DYNC2H1: variants seen among roughly 807,000 people sequenced by gnomAD.
DYNC2H1 encodes the protein cytoplasmic dynein 2 heavy chain 1.
DYNC2H1 carries 410 observed loss-of-function variants against 570.0 expected under a neutral mutation model. That is an observed-to-expected ratio of 0.72 (90% CI 0.66 to 0.78). The LOEUF (loss-of-function observed/expected upper bound fraction) is 0.78, where lower values mean the gene tolerates loss of function less well. Among genes scored for constraint, DYNC2H1 ranks in the 30% least tolerant of loss-of-function variants. The pLI is 0.00. For missense variants in DYNC2H1, 4,865 were observed against 5,046.4 expected (o/e 0.96, Z 1.09); for synonymous variants, 1,688 against 1,677.6 (o/e 1.01, Z -0.15).
rs370403709 is a variant in DYNC2H1, at chr11:103,179,218, G to A, written c.6332G>A (p.Gly2111Glu). Residue 2111 changes from glycine (G) to glutamate (E), a missense_variant, in exon 39 of 89, where the codon GGA (glycine) becomes GAA (glutamate). By Grantham distance (98) the Gly-to-Glu change is moderately conservative. Coordinates refer to ENST00000375735, the MANE Select transcript of DYNC2H1 (RefSeq NM_001377.3). ...TCACCAGCCACAATATCTAGAATGG[G>A]AATGATCTTTCTTAGGTAAGCCATA... is the stretch of plus-strand genomic sequence containing the variant. Reference protein sequence around the residue: ...CASPATISRMGMIFLSDEETD... With the variant: ...CASPATISRMEMIFLSDEETD... 6.2e-7 allele frequency: 1 copy of A among 1,612,712 alleles called. No homozygotes were observed. The highest frequency in any genetic ancestry group is 8.5e-7 in the Non-Finnish European group (1 of 1,179,080).
chr11:103,419,556 G>A (rs536139570), intron 84 of DYNC2H1, among the ~76,000 whole-genome samples: 1 of 151,354 alleles, frequency 6.6e-6, no homozygotes, highest in Admixed American at 6.6e-5. Flanking sequence ...TGGAAGGGTG[G>A]CCTGACTGGT....
intron 12 of DYNC2H1, among the ~76,000 whole-genome samples, chr11:103,127,660 G>T (rs1481376373): frequency 6.6e-6 from 1 of 152,166 alleles, no homozygotes; most frequent in African/African-American, 2.4e-5. Flanking sequence ...TCAGCCCAGG[G>T]TGTCCACTTG....
chr11:103,288,892 A>G (rs899442244), intron 75 of DYNC2H1, among the ~76,000 whole-genome samples: 14 of 150,392 alleles, frequency 9.3e-5, no homozygotes, highest in African/African-American at 3.2e-4. Context: ...AAAAAAAAAA[A>G]AAAAGAAAGA....
intron 85 of DYNC2H1, among the ~76,000 whole-genome samples, chr11:103,450,170 CT>C (rs1419239840): frequency 1.3e-5 from 2 of 152,098 alleles, no homozygotes; most frequent in African/African-American, 4.8e-5. Flanking sequence ...CAAAACCAAA[CT>C]TTTACACACC....
intron 69 of DYNC2H1, among the ~76,000 whole-genome samples, chr11:103,258,587 C>G (rs760209179): frequency 5.9e-5 from 9 of 152,136 alleles, no homozygotes; most frequent in Non-Finnish European, 1.3e-4. Flanking sequence ...GAGGACTTGA[C>G]GACAGGACTG....
intron 67 of DYNC2H1, among the ~76,000 whole-genome samples, chr11:103,255,812 A>G (rs1348469286): frequency 2.0e-5 from 3 of 152,182 alleles, no homozygotes; most frequent in Admixed American, 2.0e-4. Context: ...AAAGCAAGAA[A>G]TTATAACAAT....
chr11:103,257,897 A>G (rs1219122900), intron 69 of DYNC2H1, 146 bp downstream of exon 69: 2 of 866,406 alleles, frequency 2.3e-6, no homozygotes, highest in Non-Finnish European at 3.1e-6. Context: ...TAAGCTATAT[A>G]AAGAAACTAC....
chr11:103,119,032 A>AT (rs1274649894), intron 6 of DYNC2H1, among the ~76,000 whole-genome samples: 1 of 152,126 alleles, frequency 6.6e-6, no homozygotes, highest in Non-Finnish European at 1.5e-5. Context: ...TATAAGAAGA[A>AT]TTTTTTCTTC....
In DYNC2H1 at chr11:103,133,594, T is replaced by A. The variant is rs1200141495; in HGVS notation, c.1993T>A (p.Trp665Arg). The A allele has an allele frequency of 2.5e-6, 4 of 1,610,780 alleles. No homozygotes were observed. In the African/African-American group the frequency reaches 4.0e-5, roughly 16 times the overall value. Residue 665 changes from tryptophan (W) to arginine (R), a missense_variant, in exon 14 of 89, where the codon TGG becomes AGG. Physicochemically the swap from Trp to Arg is moderately radical, Grantham distance 101. Transcript: ENST00000375735. The surrounding 1 kb of genome is among the most constrained non-coding windows in gnomAD (Gnocchi z 4.8). Reference protein sequence around the residue: ...AGSGGKSQITWDNPKELEGYI... With the variant: ...AGSGGKSQITRDNPKELEGYI... ...AAGTGGAGGGAAATCACAGATAACT[T>A]GGGATAATCCTAAAGAATTAGAAGG...
In DYNC2H1 at chr11:103,465,101, G is replaced by C. The variant is rs1945151355; in HGVS notation, c.12649-3488G>C. 1.3e-5 allele frequency among the ~76,000 whole-genome samples: 2 copies of C among 151,744 alleles called. No homozygotes were observed. Among genetic ancestry groups the C allele is most frequent in the Non-Finnish European group, 2.9e-5 (2 of 67,926 alleles). ...AAGTAGATGGTAAAACACTAAAATG[G>C]ATATACAATCCATAGCAGAAAAGGA... is the stretch of plus-strand genomic sequence containing the variant. On this transcript the variant is annotated intron_variant, in intron 87 of 88. Transcript: ENST00000375735. This position sits in a 1 kb window ranked among gnomAD's most constrained non-coding sequence, Gnocchi z 4.9.
At chr11:103,140,940 G>T (rs1036443357) in intron 17 of DYNC2H1, among the ~76,000 whole-genome samples, 6 of 151,732 alleles carry the variant, frequency 4.0e-5, no homozygotes, top group Non-Finnish European at 8.8e-5. Context: ...TCCCTTCTCG[G>T]TTCATTTCAT....
intron 77 of DYNC2H1, among the ~76,000 whole-genome samples, chr11:103,306,882 T>G (rs1565481735): frequency 6.6e-6 from 1 of 152,172 alleles, no homozygotes; most frequent in Non-Finnish European, 1.5e-5. Context: ...AATTTGTACC[T>G]GCTCTCTGGG....
At chr11:103,447,406 T>C (rs918737680) in intron 85 of DYNC2H1, among the ~76,000 whole-genome samples, 1 of 152,110 alleles carries the variant, frequency 6.6e-6, no homozygotes, top group Admixed American at 6.5e-5. Context: ...GAAATAGAGC[T>C]GTGGGGCCTA....
At position 103,327,303 on chromosome 11, in the gene DYNC2H1, A is replaced by G. The variant is rs533014597; in HGVS notation, c.12039+3313A>G. Among the ~76,000 whole-genome samples the G allele has an allele frequency of 3.9e-5, 6 of 152,002 alleles. No homozygotes were observed. In the East Asian group the frequency reaches 1.2e-3, roughly 29 times the overall value. ...ATCTTGTTCCAGCCCTCTCTATTTTAATGTTTAAACTCAAGTTCTACCCAA... is the reference window on the plus strand; with the variant it reads ...ATCTTGTTCCAGCCCTCTCTATTTTGATGTTTAAACTCAAGTTCTACCCAA... On this transcript the variant is annotated intron_variant, in intron 82 of 88. Transcript: ENST00000375735.
At chr11:103,347,250 A>G (rs1471137974) in intron 82 of DYNC2H1, among the ~76,000 whole-genome samples, 1 of 152,202 alleles carries the variant, frequency 6.6e-6, no homozygotes, top group Non-Finnish European at 1.5e-5. Context: ...GCTTCTCTAT[A>G]TTAATAAGAC....
rs565644700 is a variant in DYNC2H1, at chr11:103,275,088, C to A, written c.10696-5260C>A. On this transcript the variant is annotated intron_variant, in intron 70 of 88. Coordinates refer to ENST00000375735, the MANE Select transcript of DYNC2H1 (RefSeq NM_001377.3). This position sits in a 1 kb window ranked among gnomAD's most constrained non-coding sequence, Gnocchi z 4.8. Reference sequence around the variant, plus strand: ...CAGCCTGGGCGACAGTGAGAGACTCCGTCTCAAAAATAAATAAATAAATAA... The same window carrying A: ...CAGCCTGGGCGACAGTGAGAGACTCAGTCTCAAAAATAAATAAATAAATAA... Among the ~76,000 whole-genome samples, 306 of 151,268 alleles carry A rather than the reference C, an allele frequency of 2.0e-3. No homozygotes were observed. Among genetic ancestry groups the A allele is most frequent in the African/African-American group, 7.2e-3 (296 of 40,860 alleles).
At chr11:103,352,634 G>T (rs564441816) in intron 82 of DYNC2H1, among the ~76,000 whole-genome samples, 1 of 152,080 alleles carries the variant, frequency 6.6e-6, no homozygotes, top group Non-Finnish European at 1.5e-5. Context: ...GGCCTAATAC[G>T]TGGCTGATGT....
At chr11:103,288,204 G>A (rs1010165690) in intron 75 of DYNC2H1, among the ~76,000 whole-genome samples, 1 of 152,082 alleles carries the variant, frequency 6.6e-6, no homozygotes, top group Non-Finnish European at 1.5e-5. Flanking sequence ...TAGCTAATTT[G>A]TTAGTCTGCA....
rs1448984849 is a variant in DYNC2H1, at chr11:103,239,702, G to C, written c.9819+3163G>C. On this transcript the variant is annotated intron_variant, in intron 63 of 88. Coordinates refer to ENST00000375735, the MANE Select transcript of DYNC2H1 (RefSeq NM_001377.3). This position sits in a 1 kb window ranked among gnomAD's most constrained non-coding sequence, Gnocchi z 4.3. Reference sequence around the variant, plus strand: ...GTAACCTTATTTATTTTATATTCTTGTTAATGTAACTCTCCTTAGTGAATC... The same window carrying C: ...GTAACCTTATTTATTTTATATTCTTCTTAATGTAACTCTCCTTAGTGAATC... Among the ~76,000 whole-genome samples, 3 of 150,806 alleles carry C rather than the reference G, an allele frequency of 2.0e-5. No individual in the cohort carries two copies. Among genetic ancestry groups the C allele is most frequent in the Non-Finnish European group, 3.0e-5 (2 of 67,764 alleles).
Sources: allele counts gnomAD v4.1 joint callset (sites outside exome capture counted in the v4.1 genomes callset), GRCh38; gene constraint gnomAD v4.1.1; non-coding constraint Gnocchi (gnomAD v3.1); transcripts MANE v1.5; gene names NCBI Gene and HGNC (gene_info 2026-07-23, HGNC 2026-07-21).